Variants in ZDHHC14 observed in about 807,000 individuals in gnomAD.
ZDHHC14 encodes the protein zDHHC palmitoyltransferase 14, also known as palmitoyltransferase ZDHHC14.
Under a neutral mutation model 47.7 loss-of-function variants are expected in ZDHHC14, and 16 were observed. The ratio of observed to expected loss-of-function variants is 0.34; its 90% CI spans 0.23 to 0.51. The LOEUF (loss-of-function observed/expected upper bound fraction) is 0.51, where lower values mean the gene tolerates loss of function less well. Ranked by LOEUF, ZDHHC14 falls within the 20% of genes least tolerant of loss-of-function variation. ZDHHC14 has a pLI of 0.97. For synonymous variants in ZDHHC14, 293 were observed against 278.9 expected (o/e 1.05, Z -0.50); for missense variants, 515 against 662.5 (o/e 0.78, Z 2.44).
At chr6:157,581,857 CA>C (rs1390364367) in intron 2 of ZDHHC14, among the ~76,000 whole-genome samples, 3 of 151,810 alleles carry the variant, frequency 2.0e-5, no homozygotes, top group Non-Finnish European at 4.4e-5. Flanking sequence ...ACCATTGGGT[CA>C]TTGGGTCTTG....
At chr6:157,573,466 C>T (rs1783176644) in intron 2 of ZDHHC14, among the ~76,000 whole-genome samples, 1 of 152,240 alleles carries the variant, frequency 6.6e-6, no homozygotes, top group Non-Finnish European at 1.5e-5. Flanking sequence ...TGCATGCCTC[C>T]AGCAAGGGCA....
intron 1 of ZDHHC14, among the ~76,000 whole-genome samples, chr6:157,505,872 A>C (rs938403743): frequency 6.6e-6 from 1 of 152,260 alleles, no homozygotes; most frequent in Non-Finnish European, 1.5e-5. Flanking sequence ...GAAGGGCAAG[A>C]AAATCCCTTG....
intron 2 of ZDHHC14, among the ~76,000 whole-genome samples, chr6:157,547,007 A>G (rs960609376): frequency 6.6e-6 from 1 of 152,216 alleles, no homozygotes; most frequent in African/African-American, 2.4e-5. Context: ...TACCATATAC[A>G]TGATGGACTT....
intron 3 of ZDHHC14, among the ~76,000 whole-genome samples, chr6:157,606,778 C>T (rs972938040): frequency 3.3e-5 from 5 of 152,172 alleles, no homozygotes; most frequent in Non-Finnish European, 7.3e-5. Flanking sequence ...GGATTCCTGA[C>T]CTGGGTGACA....
At position 157,424,585 on chromosome 6, in the gene ZDHHC14, G is replaced by C. The variant is rs542450125; in HGVS notation, c.245+42319G>C. 4.6e-5 allele frequency among the ~76,000 whole-genome samples: 7 copies of C among 152,316 alleles called. 1 individual carries two copies. In the South Asian group the frequency reaches 1.4e-3, roughly 32 times the overall value. ...AGAGAGCAAACGTGGTGCTTCGCTT[G>C]GCTATGAACAAACAACTGGTTAAAA... On this transcript the variant is annotated intron_variant, in intron 1 of 8. Coordinates refer to ENST00000359775, the MANE Select transcript of ZDHHC14 (RefSeq NM_024630.3).
intron 5 of ZDHHC14, among the ~76,000 whole-genome samples, chr6:157,636,262 G>A (rs1027186505): frequency 1.3e-5 from 2 of 151,932 alleles, no homozygotes; most frequent in Admixed American, 6.5e-5. Context: ...GTATTTTTAA[G>A]CCCTCATATA....
At chr6:157,391,937 G>T (rs183164649) in intron 1 of ZDHHC14, among the ~76,000 whole-genome samples, 4 of 152,246 alleles carry the variant, frequency 2.6e-5, no homozygotes, top group African/African-American at 9.6e-5. Flanking sequence ...ACTGCTGTAG[G>T]ATTTGATTTG....
In ZDHHC14 at chr6:157,653,522, C is replaced by T; in HGVS notation, c.966-3C>T. 1 of 1,613,602 alleles carries T rather than the reference C, an allele frequency of 6.2e-7. No homozygotes were observed. Among genetic ancestry groups the T allele is most frequent in the Non-Finnish European group, 8.5e-7 (1 of 1,179,870 alleles). ...TCCTGCTGTGTTTTCTTTTCTCTCG[C>T]AGCCTGATCGACAGAAGAGGGTACA... is the stretch of plus-strand genomic sequence containing the variant. On this transcript the variant is annotated splice_region_variant and splice_polypyrimidine_tract_variant and intron_variant, in intron 7 of 8. Transcript: ENST00000359775.
At position 157,582,069 on chromosome 6, in the gene ZDHHC14, G is replaced by C. The variant is rs1229614285; in HGVS notation, c.407-10919G>C. ...CGCCACCATGCCTGGCTAATTTTTT[G>C]TATTTTTAGTAGATTTGGGCTTTCT... On this transcript the variant is annotated intron_variant, in intron 2 of 8. Transcript: ENST00000359775. The surrounding 1 kb of genome is among the most constrained non-coding windows in gnomAD (Gnocchi z 4.3). Among the ~76,000 whole-genome samples the C allele has an allele frequency of 6.6e-6, 1 of 152,038 alleles. No homozygotes were observed. The highest frequency in any genetic ancestry group is 1.5e-5 in the Non-Finnish European group (1 of 67,998).
chr6:157,483,323 T>G (rs1779677922), intron 1 of ZDHHC14, among the ~76,000 whole-genome samples: 1 of 152,182 alleles, frequency 6.6e-6, no homozygotes, highest in African/African-American at 2.4e-5. Flanking sequence ...GCTGGTCTTG[T>G]TTTTTGCAAA....
At position 157,560,548 on chromosome 6, in the gene ZDHHC14, T is replaced by G. The variant is rs142401428; in HGVS notation, c.406+17803T>G. The stretch of plus-strand genomic sequence containing the variant: ...AATATATATAGGAATTATAAGGAAA[T>G]ATAAACAAGTTTTTTTTTGTGATTG... On this transcript the variant is annotated intron_variant, in intron 2 of 8. Transcript: ENST00000359775. Among the ~76,000 whole-genome samples the G allele has an allele frequency of 1.4e-3, 206 of 152,294 alleles. 3 individuals are homozygous for G. The East Asian group carries it at 0.037, about 28-fold the overall frequency.
At chr6:157,450,440 CG>C (rs1778777719) in intron 1 of ZDHHC14, among the ~76,000 whole-genome samples, 3 of 149,648 alleles carry the variant, frequency 2.0e-5, no homozygotes, top group African/African-American at 7.4e-5. Context: ...GCGTGAACCC[CG>C]GGGGTAGAGG....
chr6:157,478,300 G>A (rs773856690), intron 1 of ZDHHC14, among the ~76,000 whole-genome samples: 1 of 152,146 alleles, frequency 6.6e-6, no homozygotes, highest in Admixed American at 6.5e-5. Flanking sequence ...AGGAAGCATA[G>A]TACTAAAATG....
At chr6:157,467,943 A>G (rs1029305051) in intron 1 of ZDHHC14, among the ~76,000 whole-genome samples, 1 of 152,210 alleles carries the variant, frequency 6.6e-6, no homozygotes, top group South Asian at 2.1e-4. Flanking sequence ...TGGGGTTCCT[A>G]TGAATACTTC....
chr6:157,479,209 AT>A (rs1779560944), intron 1 of ZDHHC14, among the ~76,000 whole-genome samples: 1 of 152,224 alleles, frequency 6.6e-6, no homozygotes, highest in African/African-American at 2.4e-5. Flanking sequence ...GCCCCCAGTT[AT>A]GGGAAATGGG....
At chr6:157,631,518 T>A (rs1396039856) in intron 4 of ZDHHC14, 3 of 152,150 alleles carry the variant, frequency 2.0e-5, no homozygotes, top group Non-Finnish European at 4.4e-5. Context: ...CGGCTCCTGT[T>A]ACCCTCTTAA....
chr6:157,628,582 C>A, intron 4 of ZDHHC14, 96 bp downstream of exon 4: 1 of 1,484,228 alleles, frequency 6.7e-7, no homozygotes, highest in Non-Finnish European at 9.1e-7. Flanking sequence ...TCATTTCGGG[C>A]TTTCTCTTTC....
intron 7 of ZDHHC14, among the ~76,000 whole-genome samples, chr6:157,653,073 C>T (rs1777913849): frequency 6.6e-6 from 1 of 152,220 alleles, no homozygotes; most frequent in African/African-American, 2.4e-5. Context: ...GCTGGCGGGG[C>T]TGTGGCTCTG....
At chr6:157,571,665 C>T (rs1409293957) in intron 2 of ZDHHC14, among the ~76,000 whole-genome samples, 1 of 151,912 alleles carries the variant, frequency 6.6e-6, no homozygotes, top group East Asian at 1.9e-4. Context: ...TCAGCTGTTA[C>T]TTGTATGGTG....
Sources: allele counts gnomAD v4.1 joint callset (sites outside exome capture counted in the v4.1 genomes callset), GRCh38; gene constraint gnomAD v4.1.1; non-coding constraint Gnocchi (gnomAD v3.1); transcripts MANE v1.5; gene names NCBI Gene and HGNC (gene_info 2026-07-23, HGNC 2026-07-21).